TANC1: variants seen among roughly 807,000 people sequenced by gnomAD.
TANC1 encodes protein TANC1.
TANC1 carries 77 observed loss-of-function variants against 149.7 expected under a neutral mutation model. That is an observed-to-expected ratio of 0.51 (90% CI 0.43 to 0.62). TANC1 has a LOEUF of 0.62. TANC1 is among the 20% of genes least tolerant of loss of function. The pLI is 0.00. For missense variants in TANC1, 1,985 were observed against 2,321.8 expected, an observed-to-expected ratio of 0.85 and a Z score of 2.98; for synonymous variants, 854 against 925.0, an observed-to-expected ratio of 0.92 and a Z score of 1.39.
rs551634529 is a variant in TANC1 at position 159,121,573 on chromosome 2, A to G, written c.260-14621A>G. On this transcript the variant is annotated intron_variant, in intron 4 of 26. Coordinates refer to ENST00000263635, the MANE Select transcript of TANC1 (RefSeq NM_033394.3). ...TCAAACTCCTGACCTCTGGTGATCC[A>G]CCTGCCTTGGCCTCCCAAAGTGCTA... Among the ~76,000 whole-genome samples, 34 of 152,194 alleles carry G rather than the reference A, an allele frequency of 2.2e-4. No individual in the cohort carries two copies. In the East Asian group the frequency reaches 4.6e-3, roughly 21 times the overall value.
intron 1 of TANC1, among the ~76,000 whole-genome samples, chr2:158,979,345 T>C (rs1013437374): frequency 2.6e-5 from 4 of 151,826 alleles, no homozygotes; most frequent in Non-Finnish European, 5.9e-5. Context: ...TTTTAAAAAT[T>C]AGCCAGGCAT....
intron 24 of TANC1, chr2:159,226,061 T>G: frequency 2.6e-6 from 1 of 391,198 alleles, no homozygotes; most frequent in Non-Finnish European, 4.7e-6. Flanking sequence ...TCCCAGCTAC[T>G]CGGGAGGCTG....
At position 159,051,520 on chromosome 2, in the gene TANC1, G is replaced by A. The variant is rs114983033; in HGVS notation, c.-15-14376G>A. On this transcript the variant is annotated intron_variant, in intron 2 of 26. Transcript: ENST00000263635. ...GAAAAACATCTGATGTTCATACATG[G>A]CGCGTAACATACCTTCAAGTATAAG... Among the ~76,000 whole-genome samples the A allele has an allele frequency of 5.6e-3, 852 of 152,250 alleles. 11 individuals carry two copies. The highest frequency in any genetic ancestry group is 0.02 in the African/African-American group (811 of 41,522).
At chr2:159,212,012 A>G (rs2059018558) in intron 19 of TANC1, among the ~76,000 whole-genome samples, 1 of 152,256 alleles carries the variant, frequency 6.6e-6, no homozygotes, top group Admixed American at 6.5e-5. Context: ...CCTGTGAAAC[A>G]GAGGTCCCTA....
intron 5 of TANC1, among the ~76,000 whole-genome samples, chr2:159,136,573 T>C (rs1051862403): frequency 6.6e-6 from 1 of 152,212 alleles, no homozygotes; most frequent in African/African-American, 2.4e-5. Flanking sequence ...TCTTGGAGGA[T>C]AGGAAGCGTC....
intron 4 of TANC1, among the ~76,000 whole-genome samples, chr2:159,122,459 A>G (rs1379461136): frequency 6.6e-6 from 1 of 152,186 alleles, no homozygotes; most frequent in Non-Finnish European, 1.5e-5. Flanking sequence ...TTTTTTTAAA[A>G]TTAACATAGA....
intron 2 of TANC1, among the ~76,000 whole-genome samples, chr2:159,030,674 T>C (rs2039708948): frequency 6.6e-6 from 1 of 152,218 alleles, no homozygotes; most frequent in Non-Finnish European, 1.5e-5. Context: ...GGGTGTTGAA[T>C]TCTCCAGGAA....
At chr2:159,112,018 A>G (rs1316969035) in intron 4 of TANC1, among the ~76,000 whole-genome samples, 1 of 152,226 alleles carries the variant, frequency 6.6e-6, no homozygotes, top group East Asian at 1.9e-4. Flanking sequence ...TCAGTCAGAA[A>G]GAGATTGTGG....
chr2:159,225,835 A>C, intron 24 of TANC1, 56 bp downstream of exon 24: 1 of 1,283,650 alleles, frequency 7.8e-7, no homozygotes, highest in Non-Finnish European at 1.1e-6. Flanking sequence ...CACCCTCTTA[A>C]TTGGGTACAT....
chr2:159,185,817 T>C lies in TANC1; in HGVS notation c.2537T>C (p.Met846Thr), dbSNP rs1420866946. Residue 846 changes from methionine to threonine, a missense_variant, in exon 15 of 27, where the codon ATG (methionine) becomes ACG (threonine). Physicochemically the swap from Met to Thr is moderately conservative, Grantham distance 81. Transcript: ENST00000263635. ...AACGGGCACGCGCTCTTGGCATTCATGTTCTCGCGTCAGGAGGGCAAGTTG... is the reference window on the plus strand; with the variant it reads ...AACGGGCACGCGCTCTTGGCATTCACGTTCTCGCGTCAGGAGGGCAAGTTG... ...PRNGHALLAF[M>T]FSRQEGKLNR... is the part of the protein sequence containing the mutation. 1 of 1,614,120 alleles carries C rather than the reference T, an allele frequency of 6.2e-7. No homozygotes were observed. The highest frequency in any genetic ancestry group is 1.7e-5 in the Admixed American group (1 of 60,014).
chr2:159,010,302 G>A (rs1348413602), intron 2 of TANC1, among the ~76,000 whole-genome samples: 1 of 152,202 alleles, frequency 6.6e-6, no homozygotes, highest in Non-Finnish European at 1.5e-5. Flanking sequence ...TTGTGGCTTA[G>A]ATGGGGGAAA....
intron 5 of TANC1, among the ~76,000 whole-genome samples, chr2:159,141,197 C>T (rs551374369): frequency 4.6e-5 from 7 of 152,276 alleles, no homozygotes; most frequent in Admixed American, 1.3e-4. Flanking sequence ...GGCCTACTTG[C>T]TGGTTCATAG....
intron 1 of TANC1, among the ~76,000 whole-genome samples, chr2:158,994,052 C>A (rs1574012977): frequency 6.6e-6 from 1 of 152,190 alleles, no homozygotes; most frequent in African/African-American, 2.4e-5. Context: ...TAGTGCACTA[C>A]ACATATCTGA....
intron 3 of TANC1, among the ~76,000 whole-genome samples, chr2:159,074,950 C>G (rs902370668): frequency 2.0e-5 from 3 of 152,028 alleles, no homozygotes; most frequent in Non-Finnish European, 4.4e-5. Context: ...GCTCATGTAA[C>G]CCAATCATCT....
At chr2:159,121,356 G>A (rs775073829) in intron 4 of TANC1, among the ~76,000 whole-genome samples, 2 of 152,156 alleles carry the variant, frequency 1.3e-5, no homozygotes, top group African/African-American at 4.8e-5. Context: ...TGTTTGAGAC[G>A]GACTCCCACC....
chr2:159,059,888 T>TTCTGTGTGTGTG (rs1195029777), intron 2 of TANC1, among the ~76,000 whole-genome samples: 11 of 114,818 alleles, frequency 9.6e-5, no homozygotes, highest in Non-Finnish European at 1.1e-4. Context: ...GCAGACCTCT[T>TTCTGTGTGTGTG]TGTGTGTGTG....
Position 159,231,125 on chromosome 2 carries a change from G to T in TANC1, c.*113G>T. ...TTTTTTAGCCATTTTTTTTCTTTGGGGTGGATCTGATGCCATTGATATATC... is the reference window on the plus strand; with the variant it reads ...TTTTTTAGCCATTTTTTTTCTTTGGTGTGGATCTGATGCCATTGATATATC... On this transcript the variant is annotated 3_prime_UTR_variant, in exon 27 of 27. Transcript: ENST00000263635. 1.2e-6 allele frequency: 1 copy of T among 843,706 alleles called. No homozygotes were observed. Among genetic ancestry groups the T allele is most frequent in the Non-Finnish European group, 1.8e-6 (1 of 550,030 alleles). The allele number at this position is 843,706 out of a possible 1,614,324, so 52.3% of individuals were successfully genotyped here. A position where few individuals can be genotyped will look rare whatever the true frequency, so the allele number is the denominator to read the frequency against.
At chr2:159,131,332 A>G (rs1189401309) in intron 4 of TANC1, among the ~76,000 whole-genome samples, 7 of 152,212 alleles carry the variant, frequency 4.6e-5, no homozygotes, top group Non-Finnish European at 1.0e-4. Context: ...CTTGGCCTCC[A>G]GGATGAGGGA....
At chr2:159,025,237 C>CT (rs1318741127) in intron 2 of TANC1, among the ~76,000 whole-genome samples, 5 of 112,576 alleles carry the variant, frequency 4.4e-5, no homozygotes, top group South Asian at 2.8e-4. Context: ...TTCTTTCTTT[C>CT]TTTTCTCCTT....
Sources: gnomAD v4.1 joint callset for allele counts (sites outside exome capture counted in the v4.1 genomes callset) on GRCh38, gnomAD v4.1.1 for gene constraint, MANE v1.5 for transcripts, NCBI Gene and HGNC (gene_info 2026-07-23, HGNC 2026-07-21) for gene names.